The following DLG4 variants were observed in gnomAD, a reference collection of about 807,000 sequenced individuals.
The protein encoded by DLG4 is discs large MAGUK scaffold protein 4.
A neutral mutation model predicts 93.8 loss-of-function variants in DLG4; 7 were observed. The ratio of observed to expected loss-of-function variants is 0.07; its 90% CI spans 0.04 to 0.14. The LOEUF (loss-of-function observed/expected upper bound fraction) is 0.14. DLG4 is among the 10% of genes least tolerant of loss of function. The pLI, the probability that DLG4 is intolerant of heterozygous loss-of-function variation, is 1.00. For synonymous variants in DLG4, 341 were observed against 387.6 expected (o/e 0.88, Z 1.41); for missense variants, 545 against 992.9 (o/e 0.55, Z 6.06).
In DLG4 at chr17:7,188,176, C is replaced by G. The variant is rs1476165848; in HGVS notation, c.*2532G>C. Reference sequence around the variant, plus strand: ...AATGCAGACCCCTGGTCCCTATCCCCAGGATCCTGATGGACTCGGTCCTGC... The same window carrying G: ...AATGCAGACCCCTGGTCCCTATCCCGAGGATCCTGATGGACTCGGTCCTGC... On this transcript the variant is annotated 3_prime_UTR_variant, in exon 20 of 20. Transcript: ENST00000399506. Among the ~76,000 whole-genome samples, 1 of 152,248 alleles carries G rather than the reference C, an allele frequency of 6.6e-6. No individual in the cohort carries two copies. The highest frequency in any genetic ancestry group is 1.9e-4 in the East Asian group (1 of 5,186).
intron 2 of DLG4, among the ~76,000 whole-genome samples, chr17:7,205,949 G>C (rs1453153103): frequency 2.0e-5 from 3 of 150,994 alleles, no homozygotes; most frequent in Non-Finnish European, 2.9e-5. Flanking sequence ...ATCTCTGCCC[G>C]CATCCCACAT....
At chr17:7,204,338 C>T in intron 2 of DLG4, 86 bp from the exon 3 acceptor site, 1 of 1,338,644 alleles carries the variant, frequency 7.5e-7, no homozygotes, top group Non-Finnish European at 1.0e-6. Flanking sequence ...AGCGTGGCTA[C>T]CCTTTCAGCC....
rs185532978 is a variant in DLG4 at position 7,208,478 on chromosome 17, C to T, written c.31-239G>A. Among the ~76,000 whole-genome samples the T allele has an allele frequency of 1.1e-4, 16 of 152,168 alleles. 1 individual carries two copies. Among genetic ancestry groups the T allele is most frequent in the African/African-American group, 3.6e-4 (15 of 41,498 alleles). ...TCAATCCCCAGGTCCCAATCCCATC[C>T]CCCAACTCCTACTCCTCACATCCTG... is the stretch of plus-strand genomic sequence containing the variant. On this transcript the variant is annotated intron_variant, in intron 1 of 19. Coordinates refer to ENST00000399506, the MANE Select transcript of DLG4 (RefSeq NM_001321075.3). This position sits in a 1 kb window ranked among gnomAD's most constrained non-coding sequence, Gnocchi z 5.4.
intron 8 of DLG4, among the ~76,000 whole-genome samples, chr17:7,197,761 A>G (rs1381683603): frequency 6.6e-6 from 1 of 152,190 alleles, no homozygotes. Flanking sequence ...CTGGGATTAC[A>G]GGCATGAGCC....
chr17:7,219,750 G>C (rs1412170487), upstream of DLG4: 1 of 1,455,720 alleles, frequency 6.9e-7, no homozygotes, highest in Admixed American at 2.4e-5. Flanking sequence ...GGTCGGACGG[G>C]CGGGATTAAG....
chr17:7,220,006 G>T (rs567176096), upstream of DLG4: 1 of 1,604,368 alleles, frequency 6.2e-7, no homozygotes, highest in Non-Finnish European at 8.5e-7. Flanking sequence ...TCGGATGGCC[G>T]CGAGCTTGGG....
rs762608090 is a variant in DLG4, at chr17:7,193,827, G to A, written c.1543+17C>T. The A allele has an allele frequency of 1.7e-5, 27 of 1,612,762 alleles. No individual in the cohort carries two copies. The highest frequency in any genetic ancestry group is 9.9e-5 in the South Asian group (9 of 90,826). ...GTGCTCCTCTCACCCACATCTTCCC[G>A]AACTAACCCTACCTACCCTGCGATC... On this transcript the variant is annotated intron_variant, in intron 14 of 19. Transcript: ENST00000399506. This position sits in a 1 kb window ranked among gnomAD's most constrained non-coding sequence, Gnocchi z 6.7.
chr17:7,205,087 C>T, intron 2 of DLG4: 1 of 985,566 alleles, frequency 1.0e-6, no homozygotes, highest in Non-Finnish European at 1.2e-6. Flanking sequence ...CGAGAGGAGG[C>T]CGGGCTGAAG....
At chr17:7,215,738 A>G (rs1330040896) in intron 1 of DLG4, among the ~76,000 whole-genome samples, 1 of 152,062 alleles carries the variant, frequency 6.6e-6, no homozygotes, top group African/African-American at 2.4e-5. Flanking sequence ...CACGTGCACA[A>G]TGCATGTGTA....
rs2070562474 is a variant in DLG4 at position 7,208,123 on chromosome 17, G to A, written c.96+51C>T. 1 of 1,320,400 alleles carries A rather than the reference G, an allele frequency of 7.6e-7. No individual in the cohort carries two copies. The highest frequency in any genetic ancestry group is 2.8e-5 in the East Asian group (1 of 35,704). The allele number at this position is 1,320,400 out of a possible 1,614,324, so 81.8% of individuals were successfully genotyped here. On this transcript the variant is annotated intron_variant, in intron 2 of 19. Transcript: ENST00000399506. The surrounding 1 kb of genome is among the most constrained non-coding windows in gnomAD (Gnocchi z 5.4). ...GGCCCACGACCCCGTGGCCAGCCTCGAGGTGGGACAAGTTCCTCTCCGCCA... is the reference window on the plus strand; with the variant it reads ...GGCCCACGACCCCGTGGCCAGCCTCAAGGTGGGACAAGTTCCTCTCCGCCA...
At chr17:7,206,284 T>A (rs532575655) in intron 2 of DLG4, among the ~76,000 whole-genome samples, 1 of 152,214 alleles carries the variant, frequency 6.6e-6, no homozygotes, top group Non-Finnish European at 1.5e-5. Flanking sequence ...AGAGAGTTTA[T>A]CACCATTCTC....
At position 7,193,074 on chromosome 17, in the gene DLG4, A is replaced by G. The variant is rs1384366938; in HGVS notation, c.1737T>C (p.Asp579=). ...PKREYEIDGR[D]YHFVSSREKM... ...TCTCCCGGGACGACACAAAGTGGTA[A>G]TCCCGGCCATCTATCTCATACTCCC... Residue 579 remains aspartate (D), a synonymous_variant, in exon 17 of 20, where the codon GAT becomes GAC. Transcript: ENST00000399506. The surrounding 1 kb of genome is among the most constrained non-coding windows in gnomAD (Gnocchi z 6.7). 1.9e-6 allele frequency: 3 copies of G among 1,613,708 alleles called. No homozygotes were observed. Among genetic ancestry groups the G allele is most frequent in the Non-Finnish European group, 2.5e-6 (3 of 1,179,750 alleles).
At chr17:7,190,963 CT>C (rs35868661) in intron 19 of DLG4, 149 bp from the exon 20 acceptor site, 39,441 of 342,938 alleles carry the variant, frequency 0.12, 3 homozygotes, top group East Asian at 0.14. Context: ...AGGGGCACCT[CT>C]TTTTTTTTTT....
chr17:7,193,116 A>G lies in DLG4; in HGVS notation c.1695T>C (p.His565=). The part of the protein sequence containing the change: ...FPDKFGSCVP[H]TTRPKREYEI... ...CATACTCCCGCTTGGGCCGTGTCGTATCTGCCAGGAAGTCACCCCACCCCC... is the reference window on the plus strand; with the variant it reads ...CATACTCCCGCTTGGGCCGTGTCGTGTCTGCCAGGAAGTCACCCCACCCCC... The change falls in exon 17 of 20, where the codon CAT becomes CAC. Residue 565 remains histidine (H), a splice_region_variant and synonymous_variant. Coordinates refer to ENST00000399506, the MANE Select transcript of DLG4 (RefSeq NM_001321075.3). This position sits in a 1 kb window ranked among gnomAD's most constrained non-coding sequence, Gnocchi z 6.7. The G allele has an allele frequency of 6.2e-7, 1 of 1,613,602 alleles. No homozygotes were observed. The highest frequency in any genetic ancestry group is 8.5e-7 in the Non-Finnish European group (1 of 1,179,674).
chr17:7,212,342 C>G (rs2070744964), intron 1 of DLG4, among the ~76,000 whole-genome samples: 1 of 152,222 alleles, frequency 6.6e-6, no homozygotes, highest in Non-Finnish European at 1.5e-5. Flanking sequence ...AACCACAGAG[C>G]CTTGTTGGCC....
At position 7,194,061 on chromosome 17, in the gene DLG4, C is replaced by A; in HGVS notation, c.1479-61G>T. 1.3e-6 allele frequency: 2 copies of A among 1,588,994 alleles called. No individual in the cohort carries two copies. Among genetic ancestry groups the A allele is most frequent in the Non-Finnish European group, 1.7e-6 (2 of 1,167,540 alleles). On this transcript the variant is annotated intron_variant, in intron 12 of 19. Coordinates refer to ENST00000399506, the MANE Select transcript of DLG4 (RefSeq NM_001321075.3). This position sits in a 1 kb window ranked among gnomAD's most constrained non-coding sequence, Gnocchi z 4.4. ...ATGCCTACCCCCTGCCACCCCCATG[C>A]TCTGAGCCAGCTGACAACCCCTTCT... is the stretch of plus-strand genomic sequence containing the variant.
intron 1 of DLG4, among the ~76,000 whole-genome samples, chr17:7,216,701 C>G (rs910545998): frequency 2.0e-5 from 3 of 152,088 alleles, no homozygotes; most frequent in African/African-American, 7.2e-5. Context: ...CAGGAGCCCC[C>G]CAAAACTGGA....
At chr17:7,209,351 C>T (rs2070619476) in intron 1 of DLG4, among the ~76,000 whole-genome samples, 1 of 152,138 alleles carries the variant, frequency 6.6e-6, no homozygotes, top group Admixed American at 6.5e-5. Flanking sequence ...CCGCCTCTGC[C>T]CTCGCCTGCT....
In DLG4 at chr17:7,189,056, G is replaced by A. The variant is rs2069369452; in HGVS notation, c.*1652C>T. On this transcript the variant is annotated 3_prime_UTR_variant, in exon 20 of 20. Transcript: ENST00000399506. ...GAACCCAGCAGGCAGAGGTTGCAGTGAGCCAAGATCGCACCACAGCACTCC... is the reference window on the plus strand; with the variant it reads ...GAACCCAGCAGGCAGAGGTTGCAGTAAGCCAAGATCGCACCACAGCACTCC... Among the ~76,000 whole-genome samples the A allele has an allele frequency of 6.9e-6, 1 of 145,412 alleles. No individual in the cohort carries two copies.
Sources: allele counts gnomAD v4.1 joint callset (sites outside exome capture counted in the v4.1 genomes callset), GRCh38; gene constraint gnomAD v4.1.1; non-coding constraint Gnocchi (gnomAD v3.1); transcripts MANE v1.5; gene names NCBI Gene and HGNC (gene_info 2026-07-23, HGNC 2026-07-21).